The following JAM3 variants were observed in gnomAD, a reference collection of about 807,000 sequenced individuals.
The protein encoded by JAM3 is junctional adhesion molecule 3.
Under a neutral mutation model 39.4 loss-of-function variants are expected in JAM3, and 31 were observed. That is an observed-to-expected ratio of 0.79 (90% confidence interval 0.59 to 1.06). The LOEUF (loss-of-function observed/expected upper bound fraction) is 1.06. Among genes scored for constraint, JAM3 ranks in the 50% least tolerant of loss-of-function variants. JAM3 has a pLI of 0.00. For synonymous variants in JAM3, 182 were observed against 148.7 expected (o/e 1.22, Z -1.63); for missense variants, 455 against 391.4 (o/e 1.16, Z -1.37).
At chr11:134,108,467 A>G (rs1410581452) in intron 1 of JAM3, among the ~76,000 whole-genome samples, 1 of 152,220 alleles carries the variant, frequency 6.6e-6, no homozygotes, top group East Asian at 1.9e-4. Flanking sequence ...TCAAAACCAG[A>G]GGCATTACAA....
chr11:134,137,233 T>C (rs963314474), intron 1 of JAM3, among the ~76,000 whole-genome samples: 3 of 152,146 alleles, frequency 2.0e-5, no homozygotes, highest in African/African-American at 7.2e-5. Context: ...AACAAATTGG[T>C]TTAGTTTACC....
At chr11:134,146,931 A>G (rs892553529) in intron 6 of JAM3, among the ~76,000 whole-genome samples, 2 of 152,136 alleles carry the variant, frequency 1.3e-5, no homozygotes, top group Non-Finnish European at 2.9e-5. Flanking sequence ...GCATTTTCCA[A>G]AACTGCCTGG....
Position 134,130,189 on chromosome 11 carries a change from A to T in JAM3, c.77-9662A>T, listed in dbSNP as rs901301211. On this transcript the variant is annotated intron_variant, in intron 1 of 8. Transcript: ENST00000299106. ...CCTGAAGCAATTAAATCCTGGGAAA[A>T]CATAAGCCCACAATGCCAGTTTACC... 3.9e-5 allele frequency among the ~76,000 whole-genome samples: 6 copies of T among 152,284 alleles called. No individual in the cohort carries two copies. The East Asian group carries it at 1.2e-3, about 29-fold the overall frequency.
Position 134,097,955 on chromosome 11 carries a change from G to A in JAM3, c.76+28796G>A, listed in dbSNP as rs1414742159. 2.0e-5 allele frequency among the ~76,000 whole-genome samples: 3 copies of A among 152,078 alleles called. No homozygotes were observed. In the East Asian group the frequency reaches 5.8e-4, roughly 29 times the overall value. On this transcript the variant is annotated intron_variant, in intron 1 of 8. Coordinates refer to ENST00000299106, the MANE Select transcript of JAM3 (RefSeq NM_032801.5). ...GCCCTTCAGTTCTTGAAAATTTAGT[G>A]CTTATAAAATTGTGAGGACTATATT...
chr11:134,104,225 A>T (rs1041534618), intron 1 of JAM3, among the ~76,000 whole-genome samples: 3 of 152,228 alleles, frequency 2.0e-5, no homozygotes, highest in Non-Finnish European at 2.9e-5. Flanking sequence ...ACTTGACTAC[A>T]TGGAAACTGA....
intron 1 of JAM3, among the ~76,000 whole-genome samples, chr11:134,114,979 C>T (rs1025970121): frequency 3.3e-5 from 5 of 152,222 alleles, no homozygotes; most frequent in Non-Finnish European, 5.9e-5. Flanking sequence ...GTTTATTTCT[C>T]CTTGCAGTTC....
chr11:134,126,691 CAA>C (rs1398547123), intron 1 of JAM3, among the ~76,000 whole-genome samples: 2 of 152,174 alleles, frequency 1.3e-5, no homozygotes, highest in Non-Finnish European at 2.9e-5. Flanking sequence ...GCTAGGATAG[CAA>C]AGTCAGTTTC....
chr11:134,143,896 T>G (rs1300298859), intron 3 of JAM3, among the ~76,000 whole-genome samples: 1 of 152,236 alleles, frequency 6.6e-6, no homozygotes, highest in African/African-American at 2.4e-5. Context: ...TCAGCATCAT[T>G]TATGAAACAT....
intron 1 of JAM3, among the ~76,000 whole-genome samples, chr11:134,088,545 A>G (rs563981716): frequency 5.9e-5 from 9 of 152,322 alleles, no homozygotes; most frequent in South Asian, 4.1e-4. Context: ...ATCCTTTTCT[A>G]TATACTTAAG....
At chr11:134,121,821 G>GCGCACACA (rs369702081) in intron 1 of JAM3, among the ~76,000 whole-genome samples, 3,673 of 148,464 alleles carry the variant, frequency 0.025, 112 homozygotes, top group African/African-American at 0.069. Context: ...GCATGTGTGC[G>GCGCACACA]CACACACACA....
intron 1 of JAM3, among the ~76,000 whole-genome samples, chr11:134,126,740 T>C (rs1025597116): frequency 6.6e-6 from 1 of 152,220 alleles, no homozygotes; most frequent in Non-Finnish European, 1.5e-5. Context: ...CTGTGCTAGA[T>C]ACCACTGTGC....
rs535110623 is a variant in JAM3 at position 134,087,208 on chromosome 11, T to TAC, written c.76+18058_76+18059dup. Among the ~76,000 whole-genome samples, 36 of 151,500 alleles carry TAC rather than the reference T, an allele frequency of 2.4e-4. 1 individual carries two copies. In the South Asian group the frequency reaches 4.6e-3, roughly 19 times the overall value. On this transcript the variant is annotated intron_variant, in intron 1 of 8. Coordinates refer to ENST00000299106, the MANE Select transcript of JAM3 (RefSeq NM_032801.5). ...CCATGAAGTATTACAATGAAGGAGATACACACACACGCACACACACACACT... is the reference window on the plus strand; with the variant it reads ...CCATGAAGTATTACAATGAAGGAGATACACACACACACGCACACACACACACT...
At chr11:134,076,454 T>C (rs1941571966) in intron 1 of JAM3, among the ~76,000 whole-genome samples, 1 of 152,132 alleles carries the variant, frequency 6.6e-6, no homozygotes, top group South Asian at 2.1e-4. Context: ...GCACCTGGCT[T>C]ACTCCTTTTC....
intron 1 of JAM3, among the ~76,000 whole-genome samples, chr11:134,084,709 C>G (rs537434955): frequency 2.2e-4 from 34 of 152,280 alleles, no homozygotes; most frequent in African/African-American, 7.7e-4. Flanking sequence ...TAAAGGGAAG[C>G]TCATCTAACC....
intron 5 of JAM3, chr11:134,145,579 G>C (rs1029360139): frequency 1.7e-5 from 6 of 355,210 alleles, no homozygotes; most frequent in African/African-American, 1.3e-4. Flanking sequence ...GGTACCTTCT[G>C]ATCTGTGGAC....
In JAM3 at chr11:134,149,784, T is replaced by G. The variant is rs1463923319; in HGVS notation, c.*603T>G. The G allele has an allele frequency of 4.8e-6, 2 of 420,752 alleles. No homozygotes were observed. The highest frequency in any genetic ancestry group is 4.1e-5 in the African/African-American group (2 of 49,084). 26.1% of individuals were successfully genotyped at this position (420,752 alleles called of 1,614,324 possible). On this transcript the variant is annotated 3_prime_UTR_variant, in exon 9 of 9. Transcript: ENST00000299106. ...ACCAAAATCAGGAAGGTAAATTGGTTGCTGGAAGAGGGATCTTGCCTGAGG... is the reference window on the plus strand; with the variant it reads ...ACCAAAATCAGGAAGGTAAATTGGTGGCTGGAAGAGGGATCTTGCCTGAGG...
intron 1 of JAM3, among the ~76,000 whole-genome samples, chr11:134,138,240 G>A (rs546946486): frequency 1.6e-5 from 2 of 125,648 alleles, no homozygotes; most frequent in Non-Finnish European, 3.2e-5. Context: ...TAGAGCCAGT[G>A]GTGGCGTCTC....
At chr11:134,141,565 G>A (rs553142439) in intron 3 of JAM3, among the ~76,000 whole-genome samples, 125 of 152,222 alleles carry the variant, frequency 8.2e-4, no homozygotes, top group African/African-American at 2.8e-3. Flanking sequence ...GGGAGGTGCC[G>A]TGGCTGCATC....
intron 1 of JAM3, among the ~76,000 whole-genome samples, chr11:134,072,130 A>C (rs907905588): frequency 6.6e-6 from 1 of 152,228 alleles, no homozygotes; most frequent in Non-Finnish European, 1.5e-5. Flanking sequence ...ATAATGTAAC[A>C]GACGCAGCTA....
Sources: allele counts gnomAD v4.1 joint callset (sites outside exome capture counted in the v4.1 genomes callset), GRCh38; gene constraint gnomAD v4.1.1; transcripts MANE v1.5; gene names NCBI Gene and HGNC (gene_info 2026-07-23, HGNC 2026-07-21).